The following KCNIP4 variants were observed in gnomAD, a reference collection of about 807,000 sequenced individuals.
KCNIP4 encodes the protein Kv channel-interacting protein 4.
Under a neutral mutation model 34.0 loss-of-function variants are expected in KCNIP4, and 12 were observed. The observed-to-expected ratio is 0.35, with a 90% confidence interval of 0.23 to 0.57. KCNIP4 has a LOEUF of 0.57. KCNIP4 is among the 20% of genes least tolerant of loss of function. KCNIP4 has a pLI of 0.83. For synonymous variants in KCNIP4, 124 were observed against 102.2 expected, an observed-to-expected ratio of 1.21 and a Z score of -1.29; for missense variants, 238 against 311.7, an observed-to-expected ratio of 0.76 and a Z score of 1.78.
At chr4:21,864,008 T>C (rs1230670366) in intron 1 of KCNIP4, among the ~76,000 whole-genome samples, 2 of 152,260 alleles carry the variant, frequency 1.3e-5, no homozygotes, top group South Asian at 2.1e-4. Flanking sequence ...AGACCTGAAG[T>C]AATGTTTTTC....
intron 1 of KCNIP4, among the ~76,000 whole-genome samples, chr4:21,753,410 A>G (rs754100702): frequency 6.6e-6 from 1 of 152,184 alleles, no homozygotes; most frequent in African/African-American, 2.4e-5. Context: ...GACCTCATGG[A>G]AGATACCATG....
chr4:21,477,591 A>G (rs2109824058), intron 1 of KCNIP4, among the ~76,000 whole-genome samples: 1 of 152,290 alleles, frequency 6.6e-6, no homozygotes, highest in South Asian at 2.1e-4. Flanking sequence ...GAATATATAT[A>G]TAACTAACTT....
intron 1 of KCNIP4, among the ~76,000 whole-genome samples, chr4:21,657,321 C>T (rs757508613): frequency 6.6e-6 from 1 of 152,040 alleles, no homozygotes. Flanking sequence ...TTTTCCGGTC[C>T]ATGTCTTTTT....
At chr4:21,751,260 T>C (rs1717133505) in intron 1 of KCNIP4, among the ~76,000 whole-genome samples, 2 of 152,130 alleles carry the variant, frequency 1.3e-5, no homozygotes, top group African/African-American at 2.4e-5. Context: ...AAAGACTTTG[T>C]TTGGATTGTA....
intron 1 of KCNIP4, among the ~76,000 whole-genome samples, chr4:21,749,243 C>T (rs180773227): frequency 9.2e-5 from 14 of 152,284 alleles, no homozygotes; most frequent in African/African-American, 3.4e-4. Flanking sequence ...TCTCCAAGCT[C>T]ATTCTCAATG....
At chr4:21,045,323 C>A (rs1742338803) in intron 1 of KCNIP4, among the ~76,000 whole-genome samples, 2 of 152,144 alleles carry the variant, frequency 1.3e-5, no homozygotes, top group Admixed American at 1.3e-4. Context: ...TGGGGTGGGA[C>A]CTAATATTCT....
intron 1 of KCNIP4, among the ~76,000 whole-genome samples, chr4:21,917,484 T>A (rs1728700488): frequency 6.6e-6 from 1 of 152,058 alleles, no homozygotes; most frequent in Non-Finnish European, 1.5e-5. Flanking sequence ...GGCACACAGA[T>A]ACGCCCCAAA....
intron 1 of KCNIP4, among the ~76,000 whole-genome samples, chr4:21,035,619 T>C (rs924965512): frequency 5.3e-5 from 8 of 152,162 alleles, no homozygotes; most frequent in Non-Finnish European, 1.2e-4. Flanking sequence ...AGGAGACAAG[T>C]ATATATGACA....
intron 1 of KCNIP4, among the ~76,000 whole-genome samples, chr4:21,528,833 A>G (rs1400055856): frequency 7.1e-6 from 1 of 139,904 alleles, no homozygotes; most frequent in Non-Finnish European, 1.6e-5. Context: ...GGAAGGAAGG[A>G]AGGAAGGAAG....
chr4:21,104,545 G>T (rs1244832792), intron 1 of KCNIP4, among the ~76,000 whole-genome samples: 3 of 152,020 alleles, frequency 2.0e-5, no homozygotes, highest in African/African-American at 7.2e-5. Flanking sequence ...TCTATAGGTT[G>T]CCTGTTCACT....
intron 5 of KCNIP4, among the ~76,000 whole-genome samples, chr4:20,745,172 C>G (rs567652108): frequency 9.2e-5 from 14 of 152,202 alleles, no homozygotes; most frequent in Non-Finnish European, 1.5e-4. Context: ...GTAGCCAGCC[C>G]CATCTCTGGC....
At chr4:21,282,059 A>G (rs574372850) in intron 1 of KCNIP4, among the ~76,000 whole-genome samples, 6 of 152,370 alleles carry the variant, frequency 3.9e-5, no homozygotes, top group African/African-American at 1.4e-4. Context: ...AAAAAGACAT[A>G]AAACAATTCT....
chr4:20,795,698 A>G (rs1050354877), intron 3 of KCNIP4, among the ~76,000 whole-genome samples: 1 of 151,746 alleles, frequency 6.6e-6, no homozygotes, highest in Non-Finnish European at 1.5e-5. Flanking sequence ...AGCCTGCTCT[A>G]TAACTCTAGT....
At chr4:21,427,831 C>A (rs1726067943) in intron 1 of KCNIP4, among the ~76,000 whole-genome samples, 1 of 152,148 alleles carries the variant, frequency 6.6e-6, no homozygotes, top group Non-Finnish European at 1.5e-5. Context: ...AGAAAACTGA[C>A]AGCCAGAAAC....
intron 1 of KCNIP4, among the ~76,000 whole-genome samples, chr4:21,049,415 T>C (rs1453190857): frequency 6.6e-6 from 1 of 152,192 alleles, no homozygotes; most frequent in Non-Finnish European, 1.5e-5. Context: ...CAATAGATAA[T>C]TGGACTAATA....
intron 1 of KCNIP4, among the ~76,000 whole-genome samples, chr4:21,529,999 A>C (rs1736540412): frequency 2.0e-5 from 3 of 152,180 alleles, no homozygotes; most frequent in Non-Finnish European, 1.5e-5. Flanking sequence ...AATAGCTAGC[A>C]CATATTGATC....
chr4:21,261,123 G>A (rs933262780), intron 1 of KCNIP4, among the ~76,000 whole-genome samples: 1 of 152,100 alleles, frequency 6.6e-6, no homozygotes, highest in Non-Finnish European at 1.5e-5. Context: ...TATTTTTGCA[G>A]AGGCTATTCT....
intron 1 of KCNIP4, among the ~76,000 whole-genome samples, chr4:21,788,865 G>C (rs1276923463): frequency 6.6e-6 from 1 of 151,944 alleles, no homozygotes; most frequent in African/African-American, 2.4e-5. Flanking sequence ...ACGAGGTCAG[G>C]AGATCAAGAC....
At chr4:20,912,862 A>G (rs1247947888) in intron 1 of KCNIP4, among the ~76,000 whole-genome samples, 1 of 152,186 alleles carries the variant, frequency 6.6e-6, no homozygotes, top group Non-Finnish European at 1.5e-5. Flanking sequence ...AGGCTATAAT[A>G]AAAAAGGAGG....
Sources: allele counts gnomAD v4.1 joint callset (sites outside exome capture counted in the v4.1 genomes callset), GRCh38; gene constraint gnomAD v4.1.1; transcripts MANE v1.5; gene names NCBI Gene and HGNC (gene_info 2026-07-23, HGNC 2026-07-21).